Variants in MAGI2 observed in about 807,000 individuals in gnomAD.
MAGI2 encodes membrane associated guanylate kinase, WW and PDZ domain containing 2.
In MAGI2, 35 loss-of-function variants were observed where a neutral mutation model predicts 133.3. The ratio of observed to expected loss-of-function variants is 0.26; its 90% confidence interval spans 0.20 to 0.35. The LOEUF is 0.35. Ranked by LOEUF, MAGI2 falls within the 10% of genes least tolerant of loss-of-function variation. The pLI is 1.00. For missense variants in MAGI2, 1,636 were observed against 1,863.4 expected, an observed-to-expected ratio of 0.88 and a Z score of 2.25; for synonymous variants, 729 against 710.6, an observed-to-expected ratio of 1.03 and a Z score of -0.41.
At chr7:79,030,316 A>AC (rs758254921) in intron 1 of MAGI2, 3 of 151,876 alleles carry the variant, frequency 2.0e-5, no homozygotes, top group Non-Finnish European at 4.4e-5. Context: ...CAAGGATGAC[A>AC]CACAAATCCA....
intron 1 of MAGI2, among the ~76,000 whole-genome samples, chr7:79,161,342 C>A (rs1376613649): frequency 6.6e-6 from 1 of 151,992 alleles, no homozygotes; most frequent in Non-Finnish European, 1.5e-5. Context: ...ACAAATCCTC[C>A]AGTGCATGGC....
intron 3 of MAGI2, among the ~76,000 whole-genome samples, chr7:78,603,591 C>T (rs1805448020): frequency 6.6e-6 from 1 of 152,180 alleles, no homozygotes; most frequent in South Asian, 2.1e-4. Flanking sequence ...GACGCGATGT[C>T]AGCTCACTGC....
intron 6 of MAGI2, among the ~76,000 whole-genome samples, chr7:78,407,238 T>C (rs1196295158): frequency 6.6e-6 from 1 of 152,050 alleles, no homozygotes. Context: ...AGATTTGGGT[T>C]CTGTTCACAG....
At chr7:78,751,010 C>G (rs1444129903) in intron 2 of MAGI2, among the ~76,000 whole-genome samples, 1 of 151,984 alleles carries the variant, frequency 6.6e-6, no homozygotes, top group African/African-American at 2.4e-5. Flanking sequence ...TCTCTCTAGA[C>G]AGAACACAGA....
At chr7:79,349,609 C>T (rs976802349) in intron 1 of MAGI2, among the ~76,000 whole-genome samples, 1 of 151,942 alleles carries the variant, frequency 6.6e-6, no homozygotes, top group Non-Finnish European at 1.5e-5. Flanking sequence ...GTCAAGGTCC[C>T]ATGGCTTAAA....
intron 1 of MAGI2, among the ~76,000 whole-genome samples, chr7:79,013,130 A>G (rs1808343931): frequency 6.6e-6 from 1 of 152,188 alleles, no homozygotes; most frequent in African/African-American, 2.4e-5. Context: ...ATGCTTCCCT[A>G]TAAAATATTT....
intron 9 of MAGI2, among the ~76,000 whole-genome samples, chr7:78,339,964 T>C (rs1007892231): frequency 1.3e-5 from 2 of 152,188 alleles, no homozygotes; most frequent in Admixed American, 6.5e-5. Context: ...ATATGATAAA[T>C]GGCAATACAG....
At chr7:78,269,104 G>A (rs1484301633) in intron 9 of MAGI2, among the ~76,000 whole-genome samples, 2 of 152,160 alleles carry the variant, frequency 1.3e-5, no homozygotes, top group African/African-American at 4.8e-5. Flanking sequence ...TCCCTGCAAA[G>A]GACATGAACT....
intron 1 of MAGI2, among the ~76,000 whole-genome samples, chr7:79,046,146 T>C (rs759181769): frequency 6.6e-6 from 1 of 152,194 alleles, no homozygotes; most frequent in South Asian, 2.1e-4. Context: ...AGTAGGGTTA[T>C]GGGCTGAACT....
intron 1 of MAGI2, among the ~76,000 whole-genome samples, chr7:79,240,243 G>A (rs1832280968): frequency 6.6e-6 from 1 of 151,878 alleles, no homozygotes; most frequent in South Asian, 2.1e-4. Flanking sequence ...TGGAACAAAG[G>A]ACTGTCTTCT....
intron 2 of MAGI2, among the ~76,000 whole-genome samples, chr7:78,947,203 G>A (rs749035173): frequency 6.6e-6 from 1 of 151,942 alleles, no homozygotes; most frequent in Admixed American, 6.6e-5. Flanking sequence ...TAAGGATGGA[G>A]CGTTCACTCT....
chr7:78,260,480 C>T (rs1462909094), intron 9 of MAGI2, among the ~76,000 whole-genome samples: 2 of 152,126 alleles, frequency 1.3e-5, no homozygotes, highest in African/African-American at 2.4e-5. Context: ...ATAAAAATAT[C>T]TCTTACATTT....
chr7:79,128,813 A>G (rs564968264), intron 1 of MAGI2, among the ~76,000 whole-genome samples: 114 of 152,274 alleles, frequency 7.5e-4, no homozygotes, highest in African/African-American at 2.6e-3. Context: ...TAAGTTGAAA[A>G]TTTCCTTAGT....
intron 3 of MAGI2, among the ~76,000 whole-genome samples, chr7:78,606,732 A>C (rs575941346): frequency 6.6e-6 from 1 of 152,310 alleles, no homozygotes; most frequent in African/African-American, 2.4e-5. Flanking sequence ...TTATGGCATC[A>C]ATAAAGTTTT....
At chr7:78,776,036 G>C (rs1825960859) in intron 2 of MAGI2, among the ~76,000 whole-genome samples, 1 of 152,150 alleles carries the variant, frequency 6.6e-6, no homozygotes, top group South Asian at 2.1e-4. Context: ...GTGACCAAAG[G>C]CAAGTCATCC....
intron 1 of MAGI2, among the ~76,000 whole-genome samples, chr7:79,047,493 T>C (rs1562829792): frequency 6.6e-6 from 1 of 152,134 alleles, no homozygotes; most frequent in Non-Finnish European, 1.5e-5. Context: ...ATGGTGGTCT[T>C]TAACAAAACG....
intron 2 of MAGI2, among the ~76,000 whole-genome samples, chr7:78,733,843 G>C (rs1821596129): frequency 1.3e-5 from 2 of 152,126 alleles, no homozygotes; most frequent in Non-Finnish European, 2.9e-5. Context: ...GTATAAAGGA[G>C]CATTCTTAAA....
At chr7:78,915,475 G>A (rs1193397094) in intron 2 of MAGI2, among the ~76,000 whole-genome samples, 2 of 151,882 alleles carry the variant, frequency 1.3e-5, no homozygotes, top group Admixed American at 1.3e-4. Context: ...GCACCCTAGA[G>A]AGTATTTACA....
At chr7:78,629,213 T>G (rs1808697600) in intron 2 of MAGI2, among the ~76,000 whole-genome samples, 1 of 152,174 alleles carries the variant, frequency 6.6e-6, no homozygotes, top group African/African-American at 2.4e-5. Flanking sequence ...ACTTCAGACC[T>G]CTGTGATTGA....
Sources: allele counts gnomAD v4.1 joint callset (sites outside exome capture counted in the v4.1 genomes callset), GRCh38; gene constraint gnomAD v4.1.1; transcripts MANE v1.5; gene names NCBI Gene and HGNC (gene_info 2026-07-23, HGNC 2026-07-21).